Variants in EPHB2 observed in about 807,000 individuals in gnomAD.
EPHB2 encodes ephrin type-B receptor 2.
EPHB2 carries 18 observed loss-of-function variants against 96.4 expected under a neutral mutation model. That is an observed-to-expected ratio of 0.19 (90% CI 0.13 to 0.28). The LOEUF is 0.28. EPHB2 is among the 10% of genes least tolerant of loss of function. EPHB2 has a pLI of 1.00. For missense variants in EPHB2, 989 were observed against 1,355.4 expected (o/e 0.73, Z 4.25); for synonymous variants, 506 against 534.1 (o/e 0.95, Z 0.72).
At chr1:22,910,317 C>T in intron 13 of EPHB2, 65 bp from the exon 14 acceptor site, 1 of 1,598,376 alleles carries the variant, frequency 6.3e-7, no homozygotes, top group Non-Finnish European at 8.6e-7. Flanking sequence ...GTAAGATGGG[C>T]CTGGCAGAGG....
intron 5 of EPHB2, among the ~76,000 whole-genome samples, chr1:22,873,683 C>T (rs866034120): frequency 4.6e-5 from 7 of 152,320 alleles, no homozygotes; most frequent in African/African-American, 1.7e-4. Context: ...CATCAGAGAT[C>T]CACACTCCTC....
chr1:22,777,614 G>T (rs1238987412), intron 1 of EPHB2, among the ~76,000 whole-genome samples: 1 of 152,234 alleles, frequency 6.6e-6, no homozygotes, highest in African/African-American at 2.4e-5. Flanking sequence ...GAGGAACAAA[G>T]AGGAAACTCA....
At chr1:22,806,869 G>A (rs577078517) in intron 3 of EPHB2, among the ~76,000 whole-genome samples, 3 of 152,286 alleles carry the variant, frequency 2.0e-5, no homozygotes, top group East Asian at 1.9e-4. Context: ...ACACAGCTGC[G>A]GGAGCTTTGT....
chr1:22,907,817 A>G, intron 11 of EPHB2, 136 bp from the exon 12 acceptor site: 1 of 1,073,550 alleles, frequency 9.3e-7, no homozygotes, highest in Non-Finnish European at 1.4e-6. Flanking sequence ...GGGGTCCCAA[A>G]GCATCTGAGT....
At chr1:22,837,212 C>A (rs1645398657) in intron 3 of EPHB2, among the ~76,000 whole-genome samples, 2 of 152,196 alleles carry the variant, frequency 1.3e-5, no homozygotes, top group East Asian at 1.9e-4. Flanking sequence ...ATAAAGAAAG[C>A]AGCTCAGGCC....
chr1:22,775,155 C>CTATG lies in EPHB2; in HGVS notation c.62-6265_62-6262dup, dbSNP rs765317836. On this transcript the variant is annotated intron_variant, in intron 1 of 15. Coordinates refer to ENST00000374630, the MANE Select transcript of EPHB2 (RefSeq NM_017449.5). The stretch of plus-strand genomic sequence containing the variant: ...GTTTTGTGTTGTCTGTTTTTTAAGG[C>CTATG]TATGGCCATGGCATCTTAAAAATAA... The CTATG allele has an allele frequency of 5.5e-5, 43 of 778,966 alleles. No individual in the cohort carries two copies. The East Asian group carries it at 6.1e-4, about 11-fold the overall frequency. 48.3% of individuals were successfully genotyped at this position (778,966 alleles called of 1,614,324 possible).
intron 3 of EPHB2, among the ~76,000 whole-genome samples, chr1:22,849,821 GA>G (rs1217141874): frequency 1.3e-5 from 2 of 152,078 alleles, no homozygotes; most frequent in African/African-American, 4.8e-5. Context: ...CACTGGCCTG[GA>G]AAAAAAACTG....
chr1:22,871,117 T>C (rs1638650517), intron 5 of EPHB2, among the ~76,000 whole-genome samples: 1 of 152,206 alleles, frequency 6.6e-6, no homozygotes, highest in Non-Finnish European at 1.5e-5. Flanking sequence ...GTAGGTCCTG[T>C]TGTCATCCTG....
intron 1 of EPHB2, among the ~76,000 whole-genome samples, chr1:22,725,194 C>T (rs1643555597): frequency 6.6e-6 from 1 of 152,142 alleles, no homozygotes; most frequent in Non-Finnish European, 1.5e-5. Context: ...GGATGAGCAG[C>T]TCAGCTGTTG....
chr1:22,880,467 G>C (rs923568081), intron 5 of EPHB2, among the ~76,000 whole-genome samples: 1 of 152,232 alleles, frequency 6.6e-6, no homozygotes, highest in African/African-American at 2.4e-5. Flanking sequence ...GAATGCAGGA[G>C]GTGCTCCCTT....
rs576399694 is a variant in EPHB2, at chr1:22,919,618, G to C, written c.*6048G>C. 6.6e-6 allele frequency: 1 copy of C among 152,500 alleles called. No homozygotes were observed. The highest frequency in any genetic ancestry group is 2.4e-5 in the African/African-American group (1 of 41,544). The allele number at this position is 152,500 out of a possible 1,614,324, so 9.4% of individuals were successfully genotyped here. On this transcript the variant is annotated 3_prime_UTR_variant, in exon 16 of 16. Coordinates refer to ENST00000374630, the MANE Select transcript of EPHB2 (RefSeq NM_017449.5). ...TACCAAGCCCGGCTACCCAGACCAA[G>C]ACACGGCTTTTCCTGGAGGAGAGAG...
Position 22,906,561 on chromosome 1 carries a change from C to A in EPHB2, c.1889-149C>A. 1 of 1,271,192 alleles carries A rather than the reference C, an allele frequency of 7.9e-7. No individual in the cohort carries two copies. The allele number at this position is 1,271,192 out of a possible 1,614,324, so 78.7% of individuals were successfully genotyped here. ...GGAACTTTTCTGGACCCCTGACATTCTTGAAGGGGTTCTGTGTCTGCAAGG... is the reference window on the plus strand; with the variant it reads ...GGAACTTTTCTGGACCCCTGACATTATTGAAGGGGTTCTGTGTCTGCAAGG... On this transcript the variant is annotated intron_variant, in intron 10 of 15. Transcript: ENST00000374630. The surrounding 1 kb of genome is among the most constrained non-coding windows in gnomAD (Gnocchi z 4.8).
chr1:22,840,936 A>G (rs1197448633), intron 3 of EPHB2, among the ~76,000 whole-genome samples: 2 of 152,206 alleles, frequency 1.3e-5, no homozygotes, highest in East Asian at 3.8e-4. Flanking sequence ...AAAGATACCC[A>G]AAGTCTCACA....
intron 3 of EPHB2, among the ~76,000 whole-genome samples, chr1:22,791,576 A>T (rs1644694657): frequency 6.7e-6 from 1 of 149,874 alleles, no homozygotes; most frequent in Non-Finnish European, 1.5e-5. Flanking sequence ...TCAGCCTCCC[A>T]AAGTGTTGGA....
At position 22,822,606 on chromosome 1, in the gene EPHB2, A is replaced by G. The variant is rs547362783; in HGVS notation, c.811+37530A>G. Among the ~76,000 whole-genome samples, 5 of 152,338 alleles carry G rather than the reference A, an allele frequency of 3.3e-5. No individual in the cohort carries two copies. In the South Asian group the frequency reaches 6.2e-4, roughly 19 times the overall value. On this transcript the variant is annotated intron_variant, in intron 3 of 15. Coordinates refer to ENST00000374630, the MANE Select transcript of EPHB2 (RefSeq NM_017449.5). ...TGGCCAGCATTGTGACCTTGCCCTG[A>G]TGGGATACGGGTCTGGAGCCACCAT...
chr1:22,862,220 C>A (rs995173349), intron 3 of EPHB2, among the ~76,000 whole-genome samples: 3 of 152,254 alleles, frequency 2.0e-5, no homozygotes, highest in Admixed American at 2.0e-4. Flanking sequence ...GACTCCATAT[C>A]AGGGATGATG....
At chr1:22,856,506 G>A (rs1017615531) in intron 3 of EPHB2, among the ~76,000 whole-genome samples, 5 of 151,954 alleles carry the variant, frequency 3.3e-5, no homozygotes, top group South Asian at 2.1e-4. Flanking sequence ...AGCAAATCCC[G>A]TCCCCTCGGC....
chr1:22,712,569 C>A (rs1643182088), intron 1 of EPHB2, among the ~76,000 whole-genome samples: 1 of 151,850 alleles, frequency 6.6e-6, no homozygotes, highest in African/African-American at 2.4e-5. Flanking sequence ...CTTTAGTGAC[C>A]GCAGTCAGGG....
At chr1:22,903,080 G>A (rs1020791109) in intron 9 of EPHB2, among the ~76,000 whole-genome samples, 3 of 152,252 alleles carry the variant, frequency 2.0e-5, no homozygotes, top group Non-Finnish European at 2.9e-5. Flanking sequence ...GCCAATCCAC[G>A]GAGAGCTGGG....
Sources: allele counts gnomAD v4.1 joint callset (sites outside exome capture counted in the v4.1 genomes callset), GRCh38; gene constraint gnomAD v4.1.1; non-coding constraint Gnocchi (gnomAD v3.1); transcripts MANE v1.5; gene names NCBI Gene and HGNC (gene_info 2026-07-23, HGNC 2026-07-21).